The following H3C2 variants were observed in gnomAD, a reference collection of about 807,000 sequenced individuals.
The protein encoded by H3C2 is H3 clustered histone 2.
In H3C2, 13 loss-of-function variants were observed where a neutral mutation model predicts 8.7. The ratio of observed to expected loss-of-function variants is 1.49; its 90% CI spans 0.97 to 2.37. H3C2 has a LOEUF of 2.37. Ranked by LOEUF, H3C2 falls within the 30% of genes most tolerant of loss-of-function variation. H3C2 has a pLI of 0.00. For missense variants in H3C2, 144 were observed against 190.4 expected, an observed-to-expected ratio of 0.76 and a Z score of 1.44; for synonymous variants, 166 against 77.6, an observed-to-expected ratio of 2.14 and a Z score of -5.99.
rs146709166 is a variant in H3C2 at position 26,032,098 on chromosome 6, G to C, written c.-38C>G. 2 of 1,568,308 alleles carry C rather than the reference G, an allele frequency of 1.3e-6. No individual in the cohort carries two copies. The highest frequency in any genetic ancestry group is 1.4e-5 in the African/African-American group (1 of 72,904). ...GAAAAGCTTGCCTGCAGAGACGTCTGTGGAGGAAAGGAAAGAGCTACTCTT... is the reference window on the plus strand; with the variant it reads ...GAAAAGCTTGCCTGCAGAGACGTCTCTGGAGGAAAGGAAAGAGCTACTCTT... On this transcript the variant is annotated 5_prime_UTR_variant, in exon 1 of 1. Coordinates refer to ENST00000621411, the MANE Select transcript of H3C2 (RefSeq NM_003537.4).
rs773839368 is a variant in H3C2 at position 26,031,795 on chromosome 6, G to C, written c.266C>G (p.Ala89Gly). 3 of 1,614,260 alleles carry C rather than the reference G, an allele frequency of 1.9e-6. No homozygotes were observed. The highest frequency in any genetic ancestry group is 2.5e-6 in the Non-Finnish European group (3 of 1,180,050). The change falls in exon 1 of 1, where the codon GCG becomes GGG. Residue 89 changes from alanine (A) to glycine (G), a missense_variant. Ala to Gly is a moderately conservative substitution (Grantham distance 60, BLOSUM62 0). Transcript: ENST00000621411. ...ACAAGCCTCCTGCAGCGCCATCACC[G>C]CAGAGCTCTGGAAGCGAAGATCGGT... ...FKTDLRFQSS[A>G]VMALQEACEA...
Position 26,031,642 on chromosome 6 carries a change from C to G in H3C2, c.*8G>C, listed in dbSNP as rs368340347. On this transcript the variant is annotated 3_prime_UTR_variant, in exon 1 of 1. Transcript: ENST00000621411. ...GGTTTTAAGACTGATGAAAAAGTGA[C>G]TTTACATTTACGCTCTTTCTCCGCG... The G allele has an allele frequency of 1.2e-6, 2 of 1,611,434 alleles. No homozygotes were observed. Among genetic ancestry groups the G allele is most frequent in the Admixed American group, 1.7e-5 (1 of 58,940 alleles).
chr6:26,031,861 G>A lies in H3C2; in HGVS notation c.200C>T (p.Pro67Leu), dbSNP rs1036066662. The change falls in exon 1 of 1, where the codon CCG (proline) becomes CTG (leucine). Residue 67 changes from proline (P) to leucine (L), a missense_variant. Physicochemically the swap from Pro to Leu is moderately conservative, Grantham distance 98. Transcript: ENST00000621411. Reference sequence around the variant, plus strand: ...GATTTCTCGCACCAGGCGCTGGAACGGCAGCTTCCGAATCAGCAACTCGGT... The same window carrying A: ...GATTTCTCGCACCAGGCGCTGGAACAGCAGCTTCCGAATCAGCAACTCGGT... ...KSTELLIRKL[P>L]FQRLVREIAQ... 3 of 1,614,240 alleles carry A rather than the reference G, an allele frequency of 1.9e-6. No homozygotes were observed. Among genetic ancestry groups the A allele is most frequent in the Non-Finnish European group, 2.5e-6 (3 of 1,180,040 alleles).
In H3C2 at chr6:26,031,883, C is replaced by T. The variant is rs753823527; in HGVS notation, c.178G>A (p.Glu60Lys). ...REIRRYQKST[E>K]LLIRKLPFQR... ...AACGGCAGCTTCCGAATCAGCAACT[C>T]GGTCGACTTTTGGTAGCGGCGGATC... Residue 60 changes from glutamate (E) to lysine (K), a missense_variant, in exon 1 of 1, where the codon GAG (glutamate) becomes AAG (lysine). Coordinates refer to ENST00000621411, the MANE Select transcript of H3C2 (RefSeq NM_003537.4). 1 of 1,614,270 alleles carries T rather than the reference C, an allele frequency of 6.2e-7. No homozygotes were observed. The highest frequency in any genetic ancestry group is 8.5e-7 in the Non-Finnish European group (1 of 1,180,050).
In H3C2 at chr6:26,031,718, C is replaced by A. The variant is rs202032296; in HGVS notation, c.343G>T (p.Ala115Ser). 6.2e-7 allele frequency: 1 copy of A among 1,614,258 alleles called. No homozygotes were observed. Among genetic ancestry groups the A allele is most frequent in the East Asian group, 2.2e-5 (1 of 44,888 alleles). The change falls in exon 1 of 1, where the codon GCT becomes TCT. Residue 115 changes from alanine (A) to serine (S), a missense_variant. By Grantham distance (99) the Ala-to-Ser change is moderately conservative. Transcript: ENST00000621411. ...FEDTNLCAIH[A>S]KRVTIMPKDI... ...TTGGGCATAATAGTCACTCGCTTAGCATGGATGGCGCAAAGGTTTGTGTCC... is the reference window on the plus strand; with the variant it reads ...TTGGGCATAATAGTCACTCGCTTAGAATGGATGGCGCAAAGGTTTGTGTCC...
rs2113679154 is a variant in H3C2 at position 26,032,054 on chromosome 6, G to A, written c.7C>T (p.Arg3Cys). 2 of 1,608,486 alleles carry A rather than the reference G, an allele frequency of 1.2e-6. No homozygotes were observed. The highest frequency in any genetic ancestry group is 1.7e-6 in the Non-Finnish European group (2 of 1,178,990). Residue 3 changes from arginine to cysteine, a missense_variant, in exon 1 of 1, where the codon CGT becomes TGT. Coordinates refer to ENST00000621411, the MANE Select transcript of H3C2 (RefSeq NM_003537.4). MA[R>C]TKQTARKSTG... ...GATTTCCGAGCTGTCTGTTTAGTAC[G>A]AGCCATGGCAAAACCACAGAAAAGC...
rs1761470921 is a variant in H3C2 at position 26,032,074 on chromosome 6, A to G, written c.-14T>C. 1.2e-6 allele frequency: 2 copies of G among 1,600,716 alleles called. No homozygotes were observed. The highest frequency in any genetic ancestry group is 8.5e-7 in the Non-Finnish European group (1 of 1,177,316). On this transcript the variant is annotated 5_prime_UTR_variant, in exon 1 of 1. Transcript: ENST00000621411. ...AGTACGAGCCATGGCAAAACCACAG[A>G]AAAGCTTGCCTGCAGAGACGTCTGT...
chr6:26,032,043 C>G lies in H3C2; in HGVS notation c.18G>C (p.Gln6His), dbSNP rs1278314228. The change falls in exon 1 of 1, where the codon CAG becomes CAC. Residue 6 changes from glutamine to histidine, a missense_variant. Transcript: ENST00000621411. ...TACCGCCGGTGGATTTCCGAGCTGT[C>G]TGTTTAGTACGAGCCATGGCAAAAC... MARTKQTARKSTGGKA... is the reference protein window; with the variant it reads MARTKHTARKSTGGKA... 6.2e-7 allele frequency: 1 copy of G among 1,612,442 alleles called. No homozygotes were observed.
rs1391132690 is a variant in H3C2 at position 26,032,064 on chromosome 6, A to G, written c.-4T>C. 5 of 1,602,748 alleles carry G rather than the reference A, an allele frequency of 3.1e-6. No homozygotes were observed. The highest frequency in any genetic ancestry group is 3.5e-5 in the Admixed American group (2 of 57,106). The stretch of plus-strand genomic sequence containing the variant: ...CTGTCTGTTTAGTACGAGCCATGGC[A>G]AAACCACAGAAAAGCTTGCCTGCAG... On this transcript the variant is annotated 5_prime_UTR_variant, in exon 1 of 1. Transcript: ENST00000621411.
In H3C2 at chr6:26,031,900, C is replaced by T. The variant is rs2113678536; in HGVS notation, c.161G>A (p.Arg54His). The T allele has an allele frequency of 6.2e-7, 1 of 1,614,228 alleles. No individual in the cohort carries two copies. The highest frequency in any genetic ancestry group is 8.5e-7 in the Non-Finnish European group (1 of 1,180,038). ...PGTVALREIR[R>H]YQKSTELLIR... Reference sequence around the variant, plus strand: ...CAGCAACTCGGTCGACTTTTGGTAGCGGCGGATCTCGCGCAGAGCCACAGT... The same window carrying T: ...CAGCAACTCGGTCGACTTTTGGTAGTGGCGGATCTCGCGCAGAGCCACAGT... Residue 54 changes from arginine (R) to histidine (H), a missense_variant, in exon 1 of 1, where the codon CGC becomes CAC. Physicochemically the swap from Arg to His is conservative, Grantham distance 29. Transcript: ENST00000621411.
In H3C2 at chr6:26,032,025, G is replaced by C. The variant is rs61741998; in HGVS notation, c.36C>G (p.Thr12=). The change falls in exon 1 of 1, where the codon ACC becomes ACG. Residue 12 remains threonine, a synonymous_variant. Transcript: ENST00000621411. ...ARTKQTARKS[T]GGKAPRKQLA... ...GCTGCTTGCGTGGCGCTTTACCGCC[G>C]GTGGATTTCCGAGCTGTCTGTTTAG... The C allele has an allele frequency of 7.4e-6, 12 of 1,613,504 alleles. No individual in the cohort carries two copies. The South Asian group carries it at 9.9e-5, about 13-fold the overall frequency.
rs1761461949 is a variant in H3C2, at chr6:26,031,817, C to T, written c.244G>A (p.Asp82Asn). The T allele has an allele frequency of 6.2e-7, 1 of 1,614,246 alleles. No homozygotes were observed. The highest frequency in any genetic ancestry group is 8.5e-7 in the Non-Finnish European group (1 of 1,180,052). Residue 82 changes from aspartate (D) to asparagine (N), a missense_variant, in exon 1 of 1, where the codon GAT becomes AAT. Transcript: ENST00000621411. ...ACCGCAGAGCTCTGGAAGCGAAGAT[C>T]GGTCTTGAAGTCTTGGGCGATTTCT... ...VREIAQDFKT[D>N]LRFQSSAVMA...
Position 26,031,930 on chromosome 6 carries a change from G to C in H3C2, c.131C>G (p.Pro44Arg), listed in dbSNP as rs2113678679. The change falls in exon 1 of 1, where the codon CCG becomes CGG. Residue 44 changes from proline to arginine, a missense_variant. Coordinates refer to ENST00000621411, the MANE Select transcript of H3C2 (RefSeq NM_003537.4). Reference protein sequence around the residue: ...GGVKKPHRYRPGTVALREIRR... With the variant: ...GGVKKPHRYRRGTVALREIRR... ...GATCTCGCGCAGAGCCACAGTGCCCGGGCGGTAACGGTGAGGCTTTTTCAC... is the reference window on the plus strand; with the variant it reads ...GATCTCGCGCAGAGCCACAGTGCCCCGGCGGTAACGGTGAGGCTTTTTCAC... 1 of 1,614,190 alleles carries C rather than the reference G, an allele frequency of 6.2e-7. No homozygotes were observed. The highest frequency in any genetic ancestry group is 8.5e-7 in the Non-Finnish European group (1 of 1,180,030).
Position 26,031,614 on chromosome 6 carries a change from T to G in H3C2, c.*36A>C. 1.3e-6 allele frequency: 2 copies of G among 1,593,350 alleles called. No homozygotes were observed. The highest frequency in any genetic ancestry group is 1.7e-6 in the Non-Finnish European group (2 of 1,170,908). On this transcript the variant is annotated 3_prime_UTR_variant, in exon 1 of 1. Coordinates refer to ENST00000621411, the MANE Select transcript of H3C2 (RefSeq NM_003537.4). ...AAGTGGGTGGCTCTGAAAAGAGCCT[T>G]TGGGTTTTAAGACTGATGAAAAAGT...
Position 26,031,758 on chromosome 6 carries a change from C to T in H3C2, c.303G>A (p.Leu101=), listed in dbSNP as rs377729287. The T allele has an allele frequency of 6.8e-6, 11 of 1,614,218 alleles. No homozygotes were observed. In the South Asian group the frequency reaches 7.7e-5, roughly 11 times the overall value. Residue 101 remains leucine, a synonymous_variant, in exon 1 of 1, where the codon TTG becomes TTA. Transcript: ENST00000621411. ...MALQEACEAY[L]VGLFEDTNLC... ...GGTTTGTGTCCTCAAAGAGCCCTAC[C>T]AAGTAGGCCTCACAAGCCTCCTGCA... is the stretch of plus-strand genomic sequence containing the variant.
rs115651536 is a variant in H3C2, at chr6:26,031,627, C to A, written c.*23G>T. The A allele has an allele frequency of 1.2e-6, 2 of 1,607,190 alleles. No individual in the cohort carries two copies. Among genetic ancestry groups the A allele is most frequent in the Non-Finnish European group, 1.7e-6 (2 of 1,178,022 alleles). The stretch of plus-strand genomic sequence containing the variant: ...TGAAAAGAGCCTTTGGGTTTTAAGA[C>A]TGATGAAAAAGTGACTTTACATTTA... On this transcript the variant is annotated 3_prime_UTR_variant, in exon 1 of 1. Coordinates refer to ENST00000621411, the MANE Select transcript of H3C2 (RefSeq NM_003537.4).
At position 26,031,970 on chromosome 6, in the gene H3C2, G is replaced by C. The variant is rs1332939009; in HGVS notation, c.91C>G (p.Pro31Ala). The C allele has an allele frequency of 1.9e-6, 3 of 1,614,184 alleles. No homozygotes were observed. Among genetic ancestry groups the C allele is most frequent in the Non-Finnish European group, 1.7e-6 (2 of 1,180,032 alleles). ...GGCTTTTTCACGCCGCCGGTAGCCG[G>C]CGCGCTCTTGCGAGCAGCCTTGGTA... is the stretch of plus-strand genomic sequence containing the variant. ...LATKAARKSA[P>A]ATGGVKKPHR... The change falls in exon 1 of 1, where the codon CCG (proline) becomes GCG (alanine). Residue 31 changes from proline (P) to alanine (A), a missense_variant. Physicochemically the swap from Pro to Ala is conservative, Grantham distance 27. Transcript: ENST00000621411.
Position 26,032,049 on chromosome 6 carries a change from A to AG in H3C2, c.11dup (p.Lys5Ter). 3 of 1,611,248 alleles carry AG rather than the reference A, an allele frequency of 1.9e-6. No individual in the cohort carries two copies. The highest frequency in any genetic ancestry group is 2.5e-6 in the Non-Finnish European group (3 of 1,179,664). ...CGGTGGATTTCCGAGCTGTCTGTTT[A>AG]GTACGAGCCATGGCAAAACCACAGA... On this transcript the variant is annotated frameshift_variant, in exon 1 of 1. Coordinates refer to ENST00000621411, the MANE Select transcript of H3C2 (RefSeq NM_003537.4). LOFTEE classifies it high-confidence loss of function.
rs1273475271 is a variant in H3C2 at position 26,031,756 on chromosome 6, A to G, written c.305T>C (p.Val102Ala). 1 of 1,614,140 alleles carries G rather than the reference A, an allele frequency of 6.2e-7. No individual in the cohort carries two copies. Among genetic ancestry groups the G allele is most frequent in the Non-Finnish European group, 8.5e-7 (1 of 1,180,050 alleles). The stretch of plus-strand genomic sequence containing the variant: ...AAGGTTTGTGTCCTCAAAGAGCCCT[A>G]CCAAGTAGGCCTCACAAGCCTCCTG... ...ALQEACEAYL[V>A]GLFEDTNLCA... The change falls in exon 1 of 1, where the codon GTA (valine) becomes GCA (alanine). Residue 102 changes from valine to alanine, a missense_variant. Physicochemically the swap from Val to Ala is moderately conservative, Grantham distance 64 (BLOSUM62 0). Transcript: ENST00000621411.
Sources: gnomAD v4.1 joint callset for allele counts on GRCh38, gnomAD v4.1.1 for gene constraint, MANE v1.5 for transcripts, NCBI Gene and HGNC (gene_info 2026-07-23, HGNC 2026-07-21) for gene names.